The following DMD variants were observed in gnomAD, a reference collection of about 807,000 sequenced individuals.
DMD encodes dystrophin, also known as mutant dystrophin.
Under a neutral mutation model 330.1 loss-of-function variants are expected in DMD, and 63 were observed. That is an observed-to-expected ratio of 0.19 (90% CI 0.16 to 0.24). DMD has a LOEUF of 0.24. Among genes scored for constraint, DMD ranks in the 10% least tolerant of loss-of-function variants. The pLI is 1.00. For missense variants in DMD, 3,344 were observed against 2,684.1 expected, an observed-to-expected ratio of 1.25 and a Z score of -5.43; for synonymous variants, 1,223 against 959.8, an observed-to-expected ratio of 1.27 and a Z score of -5.07.
chrX:33,302,751 T>C (rs1021537879), intron 1 of DMD, among the ~76,000 whole-genome samples: 4 of 111,618 alleles, frequency 3.6e-5, no homozygotes, highest in Non-Finnish European at 5.6e-5. Context: ...TTTGTTACAA[T>C]TGATGAACCT....
intron 1 of DMD, among the ~76,000 whole-genome samples, chrX:33,200,895 A>G (rs1603412817): frequency 1.9e-5 from 2 of 104,321 alleles, no homozygotes; most frequent in African/African-American, 7.0e-5. Context: ...AACAATTGAT[A>G]CCATGGAAAC....
At chrX:33,045,315 T>TACACACACACACAC (rs55970492) in intron 1 of DMD, among the ~76,000 whole-genome samples, 18,702 of 96,408 alleles carry the variant, frequency 0.19, 1,541 homozygotes, top group East Asian at 0.33. Flanking sequence ...CACAGGTGCG[T>TACACACACACACAC]ACACACACAC....
rs183914891 is a variant in DMD, at chrX:32,056,622, C to T, written c.6439-88108G>A. Among the ~76,000 whole-genome samples the T allele has an allele frequency of 2.4e-3, 268 of 110,335 alleles. 2 individuals are homozygous for T. Among genetic ancestry groups the T allele is most frequent in the African/African-American group, 8.0e-3 (244 of 30,506 alleles). On this transcript the variant is annotated intron_variant, in intron 44 of 78. Coordinates refer to ENST00000357033, the MANE Select transcript of DMD (RefSeq NM_004006.3). ...GCCGAAACTAGTAAGGAGATTGAAT[C>T]AGTAGTCCAAAACCTTCCAACAAAG...
chrX:31,178,758 G>GT lies in DMD; in HGVS notation c.10133dup (p.Asn3378LysfsTer55). ...CAAAATACCTTTTGGTTCGAAATTT[G>GT]TTTTTTAGTACCTTGGCAAAGTCTC... On this transcript the variant is annotated frameshift_variant, in exon 70 of 79. Transcript: ENST00000357033. LOFTEE classifies it high-confidence loss of function. 8.3e-7 allele frequency: 1 copy of GT among 1,211,140 alleles called. No homozygotes were observed. Among genetic ancestry groups the GT allele is most frequent in the Non-Finnish European group, 1.1e-6 (1 of 894,915 alleles).
At chrX:31,885,629 A>G (rs1395610049) in intron 47 of DMD, among the ~76,000 whole-genome samples, 2 of 78,395 alleles carry the variant, frequency 2.6e-5, no homozygotes, top group African/African-American at 4.7e-5. Context: ...AAAAAAAAAA[A>G]AAAAAAAAGA....
intron 9 of DMD, among the ~76,000 whole-genome samples, chrX:32,652,129 C>T (rs2060200274): frequency 9.0e-6 from 1 of 110,948 alleles, no homozygotes; most frequent in Non-Finnish European, 1.9e-5. Flanking sequence ...GTTCTAGAGC[C>T]AAAAACATTA....
At chrX:31,343,977 ATT>A (rs199499654) in intron 61 of DMD, among the ~76,000 whole-genome samples, 5 of 83,602 alleles carry the variant, frequency 6.0e-5, no homozygotes, top group Admixed American at 1.5e-4. Flanking sequence ...AAATATGGTG[ATT>A]TTTTTTTTTT....
At chrX:31,434,381 G>A (rs1454044895) in intron 60 of DMD, among the ~76,000 whole-genome samples, 1 of 103,085 alleles carries the variant, frequency 9.7e-6, no homozygotes, top group Non-Finnish European at 2.0e-5. Flanking sequence ...TGTCCTGATT[G>A]CCCTTTCCTG....
chrX:33,179,696 A>T lies in DMD; in HGVS notation c.31+31586T>A, dbSNP rs777839456. 4.5e-4 allele frequency among the ~76,000 whole-genome samples: 50 copies of T among 110,110 alleles called. 1 individual carries two copies. The East Asian group carries it at 0.013, about 30-fold the overall frequency. On this transcript the variant is annotated intron_variant, in intron 1 of 78. Coordinates refer to ENST00000357033, the MANE Select transcript of DMD (RefSeq NM_004006.3). ...GTGACAGAGCGAGACTCCGTCTCAA[A>T]AAAAAAAAAAGAAAGAAAAGAAATT...
At chrX:31,630,010 G>T (rs891978399) in intron 54 of DMD, among the ~76,000 whole-genome samples, 3 of 112,342 alleles carry the variant, frequency 2.7e-5, no homozygotes, top group Non-Finnish European at 5.6e-5. Flanking sequence ...GTAATATTGT[G>T]CATTTTATCA....
At chrX:32,602,314 C>A (rs1228173825) in intron 12 of DMD, among the ~76,000 whole-genome samples, 1 of 109,074 alleles carries the variant, frequency 9.2e-6, no homozygotes. Context: ...TCCATGCATG[C>A]ACCCACCCAT....
At chrX:32,506,873 A>G (rs1042809104) in intron 18 of DMD, among the ~76,000 whole-genome samples, 1 of 111,748 alleles carries the variant, frequency 8.9e-6, no homozygotes, top group Non-Finnish European at 1.9e-5. Context: ...TTGTTGGTTG[A>G]ACTGAAAAGT....
chrX:33,152,160 C>CTATTATTAT (rs56954782), intron 1 of DMD, among the ~76,000 whole-genome samples: 65 of 101,148 alleles, frequency 6.4e-4, no homozygotes, highest in African/African-American at 2.2e-3. Context: ...ATTAGCTTTA[C>CTATTATTAT]TATTATTATT....
intron 44 of DMD, among the ~76,000 whole-genome samples, chrX:32,009,068 T>C (rs760051155): frequency 9.0e-6 from 1 of 110,845 alleles, no homozygotes; most frequent in East Asian, 2.8e-4. Flanking sequence ...AATGGGGAGA[T>C]GGGAAGGAAG....
chrX:33,001,637 T>C (rs2147422712), intron 2 of DMD, among the ~76,000 whole-genome samples: 1 of 111,476 alleles, frequency 9.0e-6, no homozygotes, highest in East Asian at 2.8e-4. Flanking sequence ...CTGTCTAATG[T>C]TACATAGAAA....
intron 5 of DMD, among the ~76,000 whole-genome samples, chrX:32,820,215 G>T (rs777974925): frequency 8.9e-6 from 1 of 112,022 alleles, no homozygotes; most frequent in Non-Finnish European, 1.9e-5. Context: ...CGAGACGGGC[G>T]GATCACAAGG....
chrX:31,444,351 T>C (rs1015406233), intron 60 of DMD, 130 bp downstream of exon 60: 1 of 761,371 alleles, frequency 1.3e-6, no homozygotes. Flanking sequence ...TAAACTAATA[T>C]AAAATATCCT....
At chrX:31,650,110 CT>C (rs113030035) in intron 54 of DMD, among the ~76,000 whole-genome samples, 3,148 of 85,677 alleles carry the variant, frequency 0.037, 140 homozygotes, top group African/African-American at 0.12. Flanking sequence ...ACAAACTTGG[CT>C]TTTTTTTTTT....
chrX:31,415,204 C>A (rs1333122518), intron 60 of DMD, among the ~76,000 whole-genome samples: 1 of 112,109 alleles, frequency 8.9e-6, no homozygotes, highest in African/African-American at 3.2e-5. Context: ...ATCCTAACTC[C>A]CAAACTTATT....
Sources: allele counts gnomAD v4.1 joint callset (sites outside exome capture counted in the v4.1 genomes callset), GRCh38; gene constraint gnomAD v4.1.1; transcripts MANE v1.5; gene names NCBI Gene and HGNC (gene_info 2026-07-23, HGNC 2026-07-21).